FTCDNL1: variants seen among roughly 807,000 people sequenced by gnomAD.
FTCDNL1 encodes formiminotransferase N-terminal subdomain-containing protein.
Under a neutral mutation model 5.9 loss-of-function variants are expected in FTCDNL1, and 11 were observed. The ratio of observed to expected loss-of-function variants is 1.87; its 90% CI spans 1.18 to 3.10. The LOEUF (loss-of-function observed/expected upper bound fraction) is 3.10, where lower values mean the gene tolerates loss of function less well. Among genes scored for constraint, FTCDNL1 ranks in the 30% most tolerant of loss-of-function variants. The probability of loss-of-function intolerance (pLI) is 0.00; values close to 1 mark genes in which losing one functional copy is unlikely to be tolerated. For missense variants in FTCDNL1, 115 were observed against 65.5 expected, an observed-to-expected ratio of 1.76 and a Z score of -2.61; for synonymous variants, 58 against 24.8, an observed-to-expected ratio of 2.34 and a Z score of -3.99.
At chr2:199,777,177 C>T (rs1056397036) in intron 3 of FTCDNL1, among the ~76,000 whole-genome samples, 11 of 152,166 alleles carry the variant, frequency 7.2e-5, no homozygotes, top group Middle Eastern at 3.4e-3. Context: ...CCTGTAATCC[C>T]AGCTACGTGG....
the FTCDNL1 span, among the ~76,000 whole-genome samples, chr2:199,693,149 T>G: frequency 6.6e-6 from 1 of 152,230 alleles, no homozygotes; most frequent in African/African-American, 2.4e-5. Flanking sequence ...AGATACCAGA[T>G]TAGATACTGT....
intron 3 of FTCDNL1, among the ~76,000 whole-genome samples, chr2:199,782,359 T>C (rs990306278): frequency 7.9e-5 from 12 of 152,248 alleles, no homozygotes; most frequent in Admixed American, 7.9e-4. Context: ...TTGATGACTT[T>C]TTGACAAACG....
chr2:199,792,165 T>C (rs757019447), intron 3 of FTCDNL1, among the ~76,000 whole-genome samples: 2 of 152,204 alleles, frequency 1.3e-5, no homozygotes, highest in Non-Finnish European at 2.9e-5. Context: ...ATTATTTTTC[T>C]ATCACTCTTA....
At chr2:199,827,704 CG>C (rs1447806260) in intron 3 of FTCDNL1, among the ~76,000 whole-genome samples, 3 of 151,990 alleles carry the variant, frequency 2.0e-5, no homozygotes, top group Non-Finnish European at 4.4e-5. Context: ...TCCCATAGGA[CG>C]GATAGAGATT....
At chr2:199,667,101 C>T in the FTCDNL1 span, among the ~76,000 whole-genome samples, 1 of 151,878 alleles carries the variant, frequency 6.6e-6, no homozygotes, top group African/African-American at 2.4e-5. Context: ...ACATTCTATT[C>T]CTAGGAGGCT....
chr2:199,771,834 C>G (rs1449375385), intron 3 of FTCDNL1, among the ~76,000 whole-genome samples: 1 of 152,152 alleles, frequency 6.6e-6, no homozygotes, highest in East Asian at 1.9e-4. Flanking sequence ...CTACTTCCCC[C>G]CTTATCCATG....
chr2:199,730,422 A>G, the FTCDNL1 span, among the ~76,000 whole-genome samples: 3 of 152,364 alleles, frequency 2.0e-5, no homozygotes, highest in Middle Eastern at 3.4e-3. Flanking sequence ...GAATAGGAGA[A>G]AATTTTTGCA....
At chr2:199,793,873 C>G (rs761203761) in intron 3 of FTCDNL1, among the ~76,000 whole-genome samples, 1 of 152,152 alleles carries the variant, frequency 6.6e-6, no homozygotes, top group South Asian at 2.1e-4. Context: ...ACTCATTATA[C>G]GTGTACTTCA....
At chr2:199,717,148 C>T in the FTCDNL1 span, among the ~76,000 whole-genome samples, 1 of 152,158 alleles carries the variant, frequency 6.6e-6, no homozygotes, top group Non-Finnish European at 1.5e-5. Flanking sequence ...GTCCTTAATA[C>T]AATCTCATTC....
At chr2:199,796,789 C>A (rs1021748718) in intron 3 of FTCDNL1, among the ~76,000 whole-genome samples, 1 of 152,004 alleles carries the variant, frequency 6.6e-6, no homozygotes, top group Non-Finnish European at 1.5e-5. Context: ...CCCATACAAT[C>A]TACACCAAAA....
Sources: gnomAD v4.1 joint callset for allele counts (sites outside exome capture counted in the v4.1 genomes callset) on GRCh38, gnomAD v4.1.1 for gene constraint, MANE v1.5 for transcripts, NCBI Gene and HGNC (gene_info 2026-07-23, HGNC 2026-07-21) for gene names.